Variants in PLCXD1 observed in about 807,000 individuals in gnomAD.
PLCXD1 encodes the protein PI-PLC X domain-containing protein 1.
In PLCXD1, 45 loss-of-function variants were observed where a neutral mutation model predicts 37.8. The observed-to-expected ratio is 1.19, with a 90% confidence interval of 0.94 to 1.53. The LOEUF (loss-of-function observed/expected upper bound fraction) is 1.53, where lower values mean the gene tolerates loss of function less well. Among genes scored for constraint, PLCXD1 ranks in the 40% most tolerant of loss-of-function variants. The pLI is 0.00. For synonymous variants in PLCXD1, 246 were observed against 206.9 expected (o/e 1.19, Z -1.62); for missense variants, 539 against 454.7 (o/e 1.19, Z -1.69).
chrX:278,157 T>C (rs28409689), upstream of PLCXD1, among the ~76,000 whole-genome samples: 59,575 of 97,556 alleles, frequency 0.61, 16,676 homozygotes, highest in East Asian at 0.72. Context: ...GTCAGGGGAC[T>C]TGGGATGTGA....
intron 1 of PLCXD1, among the ~76,000 whole-genome samples, chrX:282,738 T>C (rs2069308750): frequency 1.3e-5 from 2 of 148,898 alleles, no homozygotes; most frequent in Admixed American, 6.7e-5. Context: ...AAAAAAGTTA[T>C]ATACACTTCA....
In PLCXD1 at chrX:285,093, CACAG is replaced by C. The variant is rs1023670463; in HGVS notation, c.127+783_127+786del. Among the ~76,000 whole-genome samples, 54 of 148,492 alleles carry C rather than the reference CACAG, an allele frequency of 3.6e-4. 1 individual carries two copies. The highest frequency in any genetic ancestry group is 1.1e-3 in the South Asian group (5 of 4,646). On this transcript the variant is annotated intron_variant, in intron 2 of 6. Coordinates refer to ENST00000381657, the MANE Select transcript of PLCXD1 (RefSeq NM_018390.4). ...GCACATAGGCACACATGCAGGCACA[CACAG>C]ACACATACATACACACACACATGCA...
chrX:291,358 C>G, intron 4 of PLCXD1, 141 bp from the exon 5 acceptor site: 2 of 823,788 alleles, frequency 2.4e-6, no homozygotes, highest in Non-Finnish European at 4.0e-6. Context: ...GTTGGCTAGG[C>G]TGGTCTCAAA....
chrX:294,428 G>A (rs1173483141), intron 6 of PLCXD1, among the ~76,000 whole-genome samples: 2 of 151,024 alleles, frequency 1.3e-5, no homozygotes, highest in Non-Finnish European at 2.9e-5. Flanking sequence ...CTTGCAGTGA[G>A]CCGAGATCAC....
intron 6 of PLCXD1, among the ~76,000 whole-genome samples, chrX:294,561 C>T (rs1411366108): frequency 5.3e-5 from 8 of 151,458 alleles, no homozygotes; most frequent in Non-Finnish European, 8.8e-5. Flanking sequence ...ATCCAGGAGG[C>T]GGAGGTTGCT....
intron 3 of PLCXD1, 106 bp downstream of exon 3, chrX:288,975 C>T (rs2069544209): frequency 9.1e-7 from 1 of 1,102,174 alleles, no homozygotes; most frequent in African/African-American, 1.5e-5. Context: ...TGAGTGGTGC[C>T]CTGTGGGCTC....
rs767977166 is a variant in PLCXD1 at position 299,263 on chromosome X, G to A, written c.900G>A (p.Ala300=). Residue 300 remains alanine (A), a synonymous_variant, in exon 7 of 7, where the codon GCG becomes GCA. Coordinates refer to ENST00000381657, the MANE Select transcript of PLCXD1 (RefSeq NM_018390.4). ...GTTCACGGTGCACCAACATCATCGC[G>A]GGGGACTTCATCGGCGCAGACGGCT... The part of the protein sequence containing the change: ...GPGSRCTNII[A]GDFIGADGFV... The A allele has an allele frequency of 8.1e-6, 13 of 1,613,738 alleles. No homozygotes were observed. Among genetic ancestry groups the A allele is most frequent in the African/African-American group, 4.0e-5 (3 of 74,904 alleles).
At chrX:291,448 C>T (rs769371796) in intron 4 of PLCXD1, 51 bp from the exon 5 acceptor site, 11 of 1,599,074 alleles carry the variant, frequency 6.9e-6, no homozygotes, top group Admixed American at 3.3e-5. Context: ...ACCCCGCCTT[C>T]CCTGTGGTGT....
chrX:282,340 T>G (rs1218048126), intron 1 of PLCXD1, among the ~76,000 whole-genome samples: 1 of 132,490 alleles, frequency 7.5e-6, no homozygotes, highest in Admixed American at 7.7e-5. Flanking sequence ...CGAGATTGCA[T>G]CATTGCACTC....
At chrX:283,446 C>CG (rs949462060) in intron 1 of PLCXD1, 15 of 152,298 alleles carry the variant, frequency 9.8e-5, no homozygotes, top group Admixed American at 2.0e-4. Context: ...ACGTAGCCCG[C>CG]GAAAAACCTG....
rs2069530381 is a variant in PLCXD1 at position 288,666 on chromosome X, A to G, written c.128-67A>G. 5 of 1,553,754 alleles carry G rather than the reference A, an allele frequency of 3.2e-6. No individual in the cohort carries two copies. In the East Asian group the frequency reaches 1.1e-4, roughly 35 times the overall value. On this transcript the variant is annotated intron_variant, in intron 2 of 6. Coordinates refer to ENST00000381657, the MANE Select transcript of PLCXD1 (RefSeq NM_018390.4). ...AGCCTGTGCTGTAGGCGGGCTGTGG[A>G]GCGACTCACAGCAGGTGGCGGGGAC...
At chrX:286,419 T>C (rs1325623314) in intron 2 of PLCXD1, among the ~76,000 whole-genome samples, 1 of 152,128 alleles carries the variant, frequency 6.6e-6, no homozygotes, top group Non-Finnish European at 1.5e-5. Context: ...GCTGACCTAG[T>C]AAGTAGCTTC....
upstream of PLCXD1, among the ~76,000 whole-genome samples, chrX:279,543 G>A (rs1300220861): frequency 3.9e-5 from 6 of 152,122 alleles, no homozygotes; most frequent in South Asian, 2.1e-4. Flanking sequence ...AAGCCAAGGC[G>A]GGCGGATCAC....
In PLCXD1 at chrX:300,744, C is replaced by A. The variant is rs2069994228; in HGVS notation, c.*1409C>A. ...TTTTTTGAGGAGTCTCACTCTGTCA[C>A]CCAGGCTGGAGTGCAACGGCGAGAT... On this transcript the variant is annotated 3_prime_UTR_variant, in exon 7 of 7. Transcript: ENST00000381657. The A allele has an allele frequency of 6.6e-6, 1 of 152,092 alleles. No individual in the cohort carries two copies. Among genetic ancestry groups the A allele is most frequent in the African/African-American group, 2.4e-5 (1 of 41,412 alleles). 9.4% of individuals were successfully genotyped at this position (152,092 alleles called of 1,614,324 possible).
chrX:284,167 G>T lies in PLCXD1; in HGVS notation c.-21G>T, dbSNP rs371752242. 9 of 1,612,320 alleles carry T rather than the reference G, an allele frequency of 5.6e-6. No individual in the cohort carries two copies. Among genetic ancestry groups the T allele is most frequent in the Non-Finnish European group, 7.6e-6 (9 of 1,179,490 alleles). On this transcript the variant is annotated splice_region_variant and 5_prime_UTR_variant, in exon 2 of 7. Transcript: ENST00000381657. ...CTCTTTTCCTCTTCTCCTTCCTCAG[G>T]TTGCCCAGGGCTCACCTCTGATGGG...
chrX:293,664 C>G (rs1475124595), intron 6 of PLCXD1, among the ~76,000 whole-genome samples: 1 of 152,114 alleles, frequency 6.6e-6, no homozygotes, highest in South Asian at 2.1e-4. Context: ...AAGGTGTGGT[C>G]CATCCACGCG....
intron 6 of PLCXD1, among the ~76,000 whole-genome samples, chrX:295,171 GA>G (rs931172160): frequency 0.012 from 1,596 of 137,826 alleles, 26 homozygotes; most frequent in African/African-American, 0.038. Flanking sequence ...TCCATCTTGG[GA>G]AAAAAAAAAA....
In PLCXD1 at chrX:293,605, C is replaced by A. The variant is rs775223930; in HGVS notation, c.733+387C>A. ...TGAAACCCTGTCTCTACTTAAGAAG[C>A]ACCCAGGGAGAAAGCAGTCCATGTA... On this transcript the variant is annotated intron_variant, in intron 6 of 6. Coordinates refer to ENST00000381657, the MANE Select transcript of PLCXD1 (RefSeq NM_018390.4). Among the ~76,000 whole-genome samples, 5 of 152,300 alleles carry A rather than the reference C, an allele frequency of 3.3e-5. No individual in the cohort carries two copies. The South Asian group carries it at 1.0e-3, about 32-fold the overall frequency.
Position 293,047 on chromosome X carries a change from C to T in PLCXD1, c.562C>T (p.Leu188=). 1 of 1,607,670 alleles carries T rather than the reference C, an allele frequency of 6.2e-7. No homozygotes were observed. Among genetic ancestry groups the T allele is most frequent in the African/African-American group, 1.3e-5 (1 of 74,922 alleles). Residue 188 remains leucine, a synonymous_variant, in exon 6 of 7, where the codon CTG becomes TTG. Coordinates refer to ENST00000381657, the MANE Select transcript of PLCXD1 (RefSeq NM_018390.4). Reference sequence around the variant, plus strand: ...TGGTCCTTTGCAGGAGGTGCCGACACTGCGGCAGCTGTGGTCCCGGGGCCA... The same window carrying T: ...TGGTCCTTTGCAGGAGGTGCCGACATTGCGGCAGCTGTGGTCCCGGGGCCA... ...MLCPRGEVPT[L]RQLWSRGQQV...
Sources: allele counts gnomAD v4.1 joint callset (sites outside exome capture counted in the v4.1 genomes callset), GRCh38; gene constraint gnomAD v4.1.1; transcripts MANE v1.5; gene names NCBI Gene and HGNC (gene_info 2026-07-23, HGNC 2026-07-21).